The following ZNF236 variants were observed in gnomAD, a reference collection of about 807,000 sequenced individuals.
ZNF236 encodes the protein zinc finger protein 236.
In ZNF236, 50 loss-of-function variants were observed where a neutral mutation model predicts 191.2. The ratio of observed to expected loss-of-function variants is 0.26; its 90% CI spans 0.21 to 0.33. The LOEUF (loss-of-function observed/expected upper bound fraction) is 0.33, where lower values mean the gene tolerates loss of function less well. Among genes scored for constraint, ZNF236 ranks in the 10% least tolerant of loss-of-function variants. ZNF236 has a pLI of 1.00. For missense variants in ZNF236, 1,754 were observed against 2,374.5 expected (o/e 0.74, Z 5.43); for synonymous variants, 907 against 928.8 (o/e 0.98, Z 0.43).
At position 76,913,730 on chromosome 18, in the gene ZNF236, G is replaced by T; in HGVS notation, c.2910-17G>T. 1 of 1,612,650 alleles carries T rather than the reference G, an allele frequency of 6.2e-7. No individual in the cohort carries two copies. Among genetic ancestry groups the T allele is most frequent in the South Asian group, 1.1e-5 (1 of 91,042 alleles). The stretch of plus-strand genomic sequence containing the variant: ...TATGAATTAACGTGGTCTGAGTTCT[G>T]TATGTTTGCTTTGTAGGTGTGACTA... On this transcript the variant is annotated splice_polypyrimidine_tract_variant and intron_variant, in intron 17 of 30. Coordinates refer to ENST00000320610, the MANE Select transcript of ZNF236 (RefSeq NM_001306089.2).
In ZNF236 at chr18:76,965,573, G is replaced by A. The variant is rs186959865; in HGVS notation, c.5420-2642G>A. Among the ~76,000 whole-genome samples the A allele has an allele frequency of 2.0e-5, 3 of 152,286 alleles. No individual in the cohort carries two copies. The East Asian group carries it at 5.8e-4, about 29-fold the overall frequency. On this transcript the variant is annotated intron_variant, in intron 30 of 30. Transcript: ENST00000320610. ...TGTTGTTCAGATTCTTTGGTCCTAC[G>A]GGGTTCTCTTGATATAGTACTCCCC... is the stretch of plus-strand genomic sequence containing the variant.
intron 26 of ZNF236, among the ~76,000 whole-genome samples, chr18:76,938,705 C>T (rs1968060528): frequency 6.6e-6 from 1 of 152,178 alleles, no homozygotes; most frequent in South Asian, 2.1e-4. Context: ...AGCCACTACC[C>T]TCTTCTGAGG....
At chr18:76,843,027 A>G (rs1022798347) in intron 1 of ZNF236, among the ~76,000 whole-genome samples, 3 of 152,204 alleles carry the variant, frequency 2.0e-5, no homozygotes, top group African/African-American at 7.2e-5. Context: ...CAGTCCGAGC[A>G]TTTGGCTTTC....
chr18:76,905,419 G>C lies in ZNF236; in HGVS notation c.2297+4G>C, dbSNP rs771535056. ...AAAAGCACATGAAAACCCACAGGTGGGTGTAATTCTGGTGGTCACTTTTTA... is the reference window on the plus strand; with the variant it reads ...AAAAGCACATGAAAACCCACAGGTGCGTGTAATTCTGGTGGTCACTTTTTA... On this transcript the variant is annotated splice_donor_region_variant and intron_variant, in intron 13 of 30. Transcript: ENST00000320610. 1.2e-6 allele frequency: 2 copies of C among 1,611,074 alleles called. No homozygotes were observed. Among genetic ancestry groups the C allele is most frequent in the Non-Finnish European group, 1.7e-6 (2 of 1,177,612 alleles).
chr18:76,951,729 G>C (rs531542327), intron 27 of ZNF236, among the ~76,000 whole-genome samples: 1 of 152,282 alleles, frequency 6.6e-6, no homozygotes, highest in Admixed American at 6.5e-5. Context: ...CTAATAGTTT[G>C]ACACAAGAGG....
At chr18:76,850,730 G>A (rs946333819) in intron 2 of ZNF236, among the ~76,000 whole-genome samples, 2 of 151,890 alleles carry the variant, frequency 1.3e-5, no homozygotes, top group African/African-American at 4.8e-5. Context: ...AGCTTCCCGA[G>A]TAGCTGGGAT....
intron 3 of ZNF236, among the ~76,000 whole-genome samples, chr18:76,866,161 A>G (rs1976397024): frequency 6.6e-6 from 1 of 152,258 alleles, no homozygotes; most frequent in Admixed American, 6.5e-5. Flanking sequence ...TGGAGAAACA[A>G]CACATGCATG....
Position 76,875,929 on chromosome 18 carries a change from T to C in ZNF236, c.840+265T>C, listed in dbSNP as rs1438780986. ...TATTTGAAAATAATCCTAATACCTT[T>C]GTTAGTTATAGTCTGTCATTCTAAA... On this transcript the variant is annotated intron_variant, in intron 6 of 30. Transcript: ENST00000320610. The surrounding 1 kb of genome is among the most constrained non-coding windows in gnomAD (Gnocchi z 4.3). Among the ~76,000 whole-genome samples, 1 of 152,260 alleles carries C rather than the reference T, an allele frequency of 6.6e-6. No individual in the cohort carries two copies. Among genetic ancestry groups the C allele is most frequent in the African/African-American group, 2.4e-5 (1 of 41,474 alleles).
chr18:76,959,789 C>T lies in ZNF236; in HGVS notation c.5215C>T (p.Leu1739=), dbSNP rs771066259. The change falls in exon 29 of 31, where the codon CTG becomes TTG. Residue 1739 remains leucine (L), a synonymous_variant. Transcript: ENST00000320610. ...CEKAFAKPSQ[L]ERHSRIHTGE... The stretch of plus-strand genomic sequence containing the variant: ...GAAGGCATTTGCCAAACCAAGCCAG[C>T]TGGAGCGCCACAGCCGCATACATAC... 1.2e-6 allele frequency: 2 copies of T among 1,614,146 alleles called. No homozygotes were observed.
intron 1 of ZNF236, among the ~76,000 whole-genome samples, chr18:76,826,992 G>A (rs1228322501): frequency 6.6e-6 from 1 of 152,022 alleles, no homozygotes; most frequent in East Asian, 1.9e-4. Flanking sequence ...CATCTCCTGG[G>A]TTCAAGCGAT....
At chr18:76,882,033 C>A (rs995914578) in intron 9 of ZNF236, among the ~76,000 whole-genome samples, 2 of 152,192 alleles carry the variant, frequency 1.3e-5, no homozygotes, top group Non-Finnish European at 2.9e-5. Flanking sequence ...TCCTGAGTAT[C>A]CTGTCACCTG....
chr18:76,864,051 C>T (rs1302969063), intron 3 of ZNF236, among the ~76,000 whole-genome samples: 1 of 152,144 alleles, frequency 6.6e-6, no homozygotes, highest in Non-Finnish European at 1.5e-5. Flanking sequence ...GACTGACTTC[C>T]CCAAGTGAGA....
chr18:76,946,660 C>G (rs1968270577), intron 26 of ZNF236, among the ~76,000 whole-genome samples: 1 of 152,194 alleles, frequency 6.6e-6, no homozygotes, highest in Admixed American at 6.5e-5. Flanking sequence ...AGTAGATATT[C>G]AGACCTTTTA....
At chr18:76,832,265 G>A (rs1461593056) in intron 1 of ZNF236, among the ~76,000 whole-genome samples, 1 of 152,050 alleles carries the variant, frequency 6.6e-6, no homozygotes, top group Non-Finnish European at 1.5e-5. Flanking sequence ...ATTTTCAGTA[G>A]GGATGGGGTT....
chr18:76,822,984 G>A (rs1974904526), intron 1 of ZNF236, among the ~76,000 whole-genome samples: 1 of 147,882 alleles, frequency 6.8e-6, no homozygotes. Flanking sequence ...GCCCTGCCGC[G>A]GCCCGCGCTG....
Position 76,968,366 on chromosome 18 carries a change from AT to A in ZNF236, c.*28del, listed in dbSNP as rs1390729260. On this transcript the variant is annotated 3_prime_UTR_variant, in exon 31 of 31. Transcript: ENST00000320610. ...GCGAGTTGGAAGTACACCTTTAAGA[AT>A]GTTTCTGAAGTTACGTTTTGTGAAG... 6.3e-7 allele frequency: 1 copy of A among 1,592,986 alleles called. No individual in the cohort carries two copies. The highest frequency in any genetic ancestry group is 1.1e-5 in the South Asian group (1 of 87,000).
At chr18:76,909,282 T>C (rs1967150327) in intron 14 of ZNF236, among the ~76,000 whole-genome samples, 1 of 133,756 alleles carries the variant, frequency 7.5e-6, no homozygotes, top group Non-Finnish European at 1.5e-5. Context: ...GCCATTGCAC[T>C]CCAGCCTGGA....
In ZNF236 at chr18:76,899,014, A is replaced by G. The variant is rs1455688681; in HGVS notation, c.1691-5A>G. On this transcript the variant is annotated splice_region_variant and splice_polypyrimidine_tract_variant and intron_variant, in intron 10 of 30. Coordinates refer to ENST00000320610, the MANE Select transcript of ZNF236 (RefSeq NM_001306089.2). ...AATTCTAAAATGTGATTTCATTTTTATTAGGAGTTAGACCTTTTGCTTGTC... is the reference window on the plus strand; with the variant it reads ...AATTCTAAAATGTGATTTCATTTTTGTTAGGAGTTAGACCTTTTGCTTGTC... 4 of 1,606,058 alleles carry G rather than the reference A, an allele frequency of 2.5e-6. No individual in the cohort carries two copies. Among genetic ancestry groups the G allele is most frequent in the Admixed American group, 1.7e-5 (1 of 59,340 alleles).
intron 3 of ZNF236, among the ~76,000 whole-genome samples, chr18:76,862,632 C>T (rs757809179): frequency 1.8e-4 from 28 of 152,112 alleles, no homozygotes; most frequent in Non-Finnish European, 3.5e-4. Context: ...TCAGTGGGTC[C>T]ACTAGGGAGT....
Sources: allele counts gnomAD v4.1 joint callset (sites outside exome capture counted in the v4.1 genomes callset), GRCh38; gene constraint gnomAD v4.1.1; non-coding constraint Gnocchi (gnomAD v3.1); transcripts MANE v1.5; gene names NCBI Gene and HGNC (gene_info 2026-07-23, HGNC 2026-07-21).